PARM1: variants seen among roughly 807,000 people sequenced by gnomAD.
The protein encoded by PARM1 is WSC4, cell wall integrity and stress response component 4 homolog.
In PARM1, 14 loss-of-function variants were observed where a neutral mutation model predicts 24.6. The observed-to-expected ratio is 0.57, with a 90% CI of 0.38 to 0.89. The LOEUF (loss-of-function observed/expected upper bound fraction) is 0.89. Among genes scored for constraint, PARM1 ranks in the 40% least tolerant of loss-of-function variants. The pLI is 0.00. For synonymous variants in PARM1, 179 were observed against 156.6 expected, an observed-to-expected ratio of 1.14 and a Z score of -1.07; for missense variants, 362 against 380.4, an observed-to-expected ratio of 0.95 and a Z score of 0.40.
intron 1 of PARM1, among the ~76,000 whole-genome samples, chr4:74,935,469 G>T (rs143585352): frequency 1.3e-5 from 2 of 152,094 alleles, no homozygotes; most frequent in Admixed American, 6.6e-5. Context: ...AAAAATAGAC[G>T]TGTTGGTAAA....
chr4:74,960,880 T>C (rs1046336991), intron 1 of PARM1, among the ~76,000 whole-genome samples: 2 of 150,238 alleles, frequency 1.3e-5, no homozygotes, highest in East Asian at 3.9e-4. Flanking sequence ...CGGGGTGTGG[T>C]GGCAGGCCCC....
chr4:74,971,122 A>C (rs1722026028), intron 1 of PARM1, among the ~76,000 whole-genome samples: 1 of 152,236 alleles, frequency 6.6e-6, no homozygotes, highest in African/African-American at 2.4e-5. Context: ...ATAAAGACAT[A>C]TCCAAGACTG....
At chr4:75,046,084 G>T (rs1723595584) in intron 3 of PARM1, 79 bp from the exon 4 acceptor site, 3 of 884,050 alleles carry the variant, frequency 3.4e-6, no homozygotes, top group Admixed American at 1.9e-5. Flanking sequence ...AGCATCCCCA[G>T]TTCAGTGCAG....
intron 1 of PARM1, among the ~76,000 whole-genome samples, chr4:74,938,289 C>CA (rs1253602456): frequency 6.6e-6 from 1 of 152,174 alleles, no homozygotes; most frequent in Non-Finnish European, 1.5e-5. Context: ...AAGCAATGGA[C>CA]AGCAACATTT....
At chr4:74,936,845 C>A (rs549822628) in intron 1 of PARM1, among the ~76,000 whole-genome samples, 1 of 152,108 alleles carries the variant, frequency 6.6e-6, no homozygotes, top group South Asian at 2.1e-4. Context: ...TTTCTGAATA[C>A]TCAAGAAGGA....
At chr4:74,950,965 A>G (rs1721510970) in intron 1 of PARM1, among the ~76,000 whole-genome samples, 1 of 152,188 alleles carries the variant, frequency 6.6e-6, no homozygotes, top group Admixed American at 6.5e-5. Context: ...GGAACGGAGG[A>G]AAGGATGGAG....
At chr4:74,974,023 A>C (rs1226181267) in intron 1 of PARM1, among the ~76,000 whole-genome samples, 1 of 152,176 alleles carries the variant, frequency 6.6e-6, no homozygotes, top group East Asian at 1.9e-4. Flanking sequence ...TTTAGTTCAA[A>C]TCTGAGGGCC....
chr4:74,970,633 C>T (rs1395205547), intron 1 of PARM1, among the ~76,000 whole-genome samples: 1 of 152,140 alleles, frequency 6.6e-6, no homozygotes, highest in African/African-American at 2.4e-5. Flanking sequence ...GGATTGCCTG[C>T]TTTATAGATT....
intron 1 of PARM1, among the ~76,000 whole-genome samples, chr4:74,987,100 T>C (rs1053364217): frequency 6.6e-6 from 1 of 152,260 alleles, no homozygotes; most frequent in African/African-American, 2.4e-5. Flanking sequence ...ATATTTGCTT[T>C]ATCCTTTTCC....
chr4:75,042,715 C>T (rs1036836690), intron 3 of PARM1, among the ~76,000 whole-genome samples: 1 of 152,026 alleles, frequency 6.6e-6, no homozygotes, highest in Non-Finnish European at 1.5e-5. Context: ...TTATTGTCCT[C>T]TTATCACACG....
At chr4:74,986,763 TC>T (rs1442993378) in intron 1 of PARM1, among the ~76,000 whole-genome samples, 6 of 152,052 alleles carry the variant, frequency 3.9e-5, no homozygotes, top group African/African-American at 1.4e-4. Context: ...AAAATGACCT[TC>T]CTCATAATAT....
intron 1 of PARM1, among the ~76,000 whole-genome samples, chr4:74,987,600 G>T (rs1193605094): frequency 1.3e-5 from 2 of 152,128 alleles, no homozygotes; most frequent in African/African-American, 4.8e-5. Context: ...TATTCAAGGT[G>T]TTTGTTAAGA....
At chr4:74,963,887 G>A (rs1192794287) in intron 1 of PARM1, among the ~76,000 whole-genome samples, 1 of 152,164 alleles carries the variant, frequency 6.6e-6, no homozygotes, top group East Asian at 1.9e-4. Flanking sequence ...ATAATCAGGT[G>A]TAGACAAAGA....
chr4:74,980,364 C>T (rs1333207001), intron 1 of PARM1, among the ~76,000 whole-genome samples: 1 of 152,068 alleles, frequency 6.6e-6, no homozygotes, highest in Non-Finnish European at 1.5e-5. Flanking sequence ...CTTCTATTCA[C>T]AATTGCTTCA....
chr4:75,025,699 C>T (rs868780592), intron 2 of PARM1, among the ~76,000 whole-genome samples: 13 of 152,232 alleles, frequency 8.5e-5, no homozygotes, highest in South Asian at 4.2e-4. Flanking sequence ...ACTGGGCTTG[C>T]GCAAGTGCAA....
At chr4:74,941,625 C>T (rs1721312484) in intron 1 of PARM1, among the ~76,000 whole-genome samples, 1 of 152,124 alleles carries the variant, frequency 6.6e-6, no homozygotes, top group Admixed American at 6.5e-5. Context: ...TTTAGTGTGC[C>T]TCCTTAGTTC....
intron 3 of PARM1, among the ~76,000 whole-genome samples, chr4:75,037,634 G>A (rs933745331): frequency 3.3e-5 from 5 of 152,094 alleles, no homozygotes; most frequent in African/African-American, 1.2e-4. Flanking sequence ...GAACTGCCCT[G>A]AACCCAGGGC....
At chr4:75,010,074 T>C (rs1310862149) in intron 1 of PARM1, among the ~76,000 whole-genome samples, 1 of 152,204 alleles carries the variant, frequency 6.6e-6, no homozygotes, top group Non-Finnish European at 1.5e-5. Context: ...GCAACAATAT[T>C]CACAGTAGCC....
rs368544213 is a variant in PARM1 at position 75,013,094 on chromosome 4, C to A, written c.713C>A (p.Thr238Asn). Residue 238 changes from threonine to asparagine, a missense_variant, in exon 2 of 4, where the codon ACC (threonine) becomes AAC (asparagine). Thr to Asn is a moderately conservative substitution (Grantham distance 65, BLOSUM62 0). Coordinates refer to ENST00000307428, the MANE Select transcript of PARM1 (RefSeq NM_015393.4). ...KVMCELIDME[T>N]TTTFPRVIMQ... The stretch of plus-strand genomic sequence containing the variant: ...ATGTGTGAGCTCATAGACATGGAGA[C>A]CACCACCACCTTTCCCAGGGTGATC... The A allele has an allele frequency of 3.1e-6, 5 of 1,613,772 alleles. No homozygotes were observed. In the African/African-American group the frequency reaches 4.0e-5, roughly 13 times the overall value.
Sources: allele counts gnomAD v4.1 joint callset (sites outside exome capture counted in the v4.1 genomes callset), GRCh38; gene constraint gnomAD v4.1.1; transcripts MANE v1.5; gene names NCBI Gene and HGNC (gene_info 2026-07-23, HGNC 2026-07-21).